The following STXBP5L variants were observed in gnomAD, a reference collection of about 807,000 sequenced individuals.
STXBP5L encodes syntaxin-binding protein 5-like.
A neutral mutation model predicts 144.5 loss-of-function variants in STXBP5L; 65 were observed. That is an observed-to-expected ratio of 0.45 (90% CI 0.37 to 0.55). The LOEUF is 0.55. STXBP5L is among the 20% of genes least tolerant of loss of function. The pLI, the probability that STXBP5L is intolerant of heterozygous loss-of-function variation, is 0.00. For missense variants in STXBP5L, 1,298 were observed against 1,405.5 expected, an observed-to-expected ratio of 0.92 and a Z score of 1.22; for synonymous variants, 505 against 469.6, an observed-to-expected ratio of 1.08 and a Z score of -0.97.
At chr3:121,411,472 C>A (rs2108748527) in intron 23 of STXBP5L, among the ~76,000 whole-genome samples, 1 of 152,116 alleles carries the variant, frequency 6.6e-6, no homozygotes, top group East Asian at 1.9e-4. Context: ...CATTAAAGGA[C>A]TGATTAAAAG....
At position 121,365,705 on chromosome 3, in the gene STXBP5L, A is replaced by C. The variant is rs913697626; in HGVS notation, c.2177-13011A>C. Among the ~76,000 whole-genome samples, 5 of 147,998 alleles carry C rather than the reference A, an allele frequency of 3.4e-5. No individual in the cohort carries two copies. In the South Asian group the frequency reaches 1.1e-3, roughly 33 times the overall value. ...AACTAAAGTTTTATCAATTTTGTTGATTTTCTGAAGACCCAACTTTTGATT... is the reference window on the plus strand; with the variant it reads ...AACTAAAGTTTTATCAATTTTGTTGCTTTTCTGAAGACCCAACTTTTGATT... On this transcript the variant is annotated intron_variant, in intron 20 of 26. Coordinates refer to ENST00000471454, the MANE Select transcript of STXBP5L (RefSeq NM_001308330.2).
chr3:121,333,260 C>G (rs1342642855), intron 20 of STXBP5L, among the ~76,000 whole-genome samples: 1 of 151,986 alleles, frequency 6.6e-6, no homozygotes, highest in African/African-American at 2.4e-5. Flanking sequence ...TGTAAGTGGT[C>G]TAAATGCTCT....
chr3:121,118,383 G>A (rs2044320398), intron 6 of STXBP5L, among the ~76,000 whole-genome samples: 1 of 151,636 alleles, frequency 6.6e-6, no homozygotes, highest in Admixed American at 6.6e-5. Flanking sequence ...TCCGGGCAGA[G>A]GGAACAGAAT....
In STXBP5L at chr3:121,421,902, T is replaced by A. The variant is rs899319495; in HGVS notation, c.*2805T>A. 2.6e-5 allele frequency: 4 copies of A among 152,218 alleles called. No individual in the cohort carries two copies. The highest frequency in any genetic ancestry group is 6.5e-5 in the Admixed American group (1 of 15,280). 9.4% of individuals were successfully genotyped at this position (152,218 alleles called of 1,614,324 possible). On this transcript the variant is annotated 3_prime_UTR_variant, in exon 27 of 27. Coordinates refer to ENST00000471454, the MANE Select transcript of STXBP5L (RefSeq NM_001308330.2). ...GTAGTTAAAACGTGTCTTTCAAAATTGCTTTTATAAGCCCTTCCTTAACGT... is the reference window on the plus strand; with the variant it reads ...GTAGTTAAAACGTGTCTTTCAAAATAGCTTTTATAAGCCCTTCCTTAACGT...
chr3:121,193,408 G>T (rs745537562), intron 9 of STXBP5L, among the ~76,000 whole-genome samples: 2 of 145,098 alleles, frequency 1.4e-5, no homozygotes, highest in Non-Finnish European at 3.0e-5. Context: ...GTGGAAGACA[G>T]TGTGGTGATT....
At chr3:121,266,523 T>G (rs1032330619) in intron 18 of STXBP5L, among the ~76,000 whole-genome samples, 2 of 152,182 alleles carry the variant, frequency 1.3e-5, no homozygotes, top group African/African-American at 4.8e-5. Flanking sequence ...AATATCATAC[T>G]CAATAGGCAC....
At chr3:121,021,642 T>C (rs1210541195) in intron 3 of STXBP5L, among the ~76,000 whole-genome samples, 1 of 152,090 alleles carries the variant, frequency 6.6e-6, no homozygotes, top group Admixed American at 6.5e-5. Flanking sequence ...TAATGGAAAT[T>C]AAATAACCTA....
intron 5 of STXBP5L, among the ~76,000 whole-genome samples, chr3:121,091,009 ATGAG>A (rs1404888206): frequency 7.0e-6 from 1 of 142,158 alleles, no homozygotes; most frequent in Non-Finnish European, 1.5e-5. Flanking sequence ...ATTCCCACCT[ATGAG>A]TGAGAATATG....
chr3:121,157,366 A>T, intron 8 of STXBP5L, 138 bp from the exon 9 acceptor site: 1 of 876,094 alleles, frequency 1.1e-6, no homozygotes, highest in Non-Finnish European at 1.6e-6. Flanking sequence ...ATAGTCTGAT[A>T]TGGGTCAGAA....
intron 3 of STXBP5L, among the ~76,000 whole-genome samples, chr3:120,965,022 G>A (rs1006303493): frequency 1.3e-5 from 2 of 152,128 alleles, no homozygotes; most frequent in East Asian, 1.9e-4. Flanking sequence ...TTACCATTAT[G>A]TAATGGCCTT....
At chr3:121,164,873 G>A (rs569636829) in intron 9 of STXBP5L, among the ~76,000 whole-genome samples, 2 of 152,108 alleles carry the variant, frequency 1.3e-5, no homozygotes, top group South Asian at 4.1e-4. Flanking sequence ...GTGGTTACCA[G>A]GGGCAGGAGA....
chr3:121,131,903 C>G (rs2045007750), intron 7 of STXBP5L, among the ~76,000 whole-genome samples: 1 of 152,094 alleles, frequency 6.6e-6, no homozygotes, highest in African/African-American at 2.4e-5. Flanking sequence ...AACATGAAAC[C>G]AGATTCATTA....
chr3:121,368,215 A>G (rs1281144147), intron 20 of STXBP5L, among the ~76,000 whole-genome samples: 1 of 151,774 alleles, frequency 6.6e-6, no homozygotes, highest in African/African-American at 2.4e-5. Context: ...TCACTTTTTA[A>G]TCTACAAGTT....
At position 121,317,698 on chromosome 3, in the gene STXBP5L, G is replaced by T. The variant is rs1477209371; in HGVS notation, c.2111-777G>T. On this transcript the variant is annotated intron_variant, in intron 19 of 26. Coordinates refer to ENST00000471454, the MANE Select transcript of STXBP5L (RefSeq NM_001308330.2). ...ATTTTACAAATACCATATAAATACA[G>T]ATTGGCAAGTAGAAAGAATTATAAA... 2.6e-5 allele frequency among the ~76,000 whole-genome samples: 4 copies of T among 152,068 alleles called. No individual in the cohort carries two copies. In the East Asian group the frequency reaches 7.7e-4, roughly 29 times the overall value.
At chr3:120,969,508 G>A (rs1312066897) in intron 3 of STXBP5L, among the ~76,000 whole-genome samples, 1 of 149,836 alleles carries the variant, frequency 6.7e-6, no homozygotes. Flanking sequence ...TGGGTTGTCT[G>A]TTTGCTGATT....
At chr3:121,262,447 T>A (rs941424747) in intron 18 of STXBP5L, among the ~76,000 whole-genome samples, 1 of 152,142 alleles carries the variant, frequency 6.6e-6, no homozygotes, top group East Asian at 1.9e-4. Flanking sequence ...CTGGCAAACA[T>A]GGTGAAACCC....
At chr3:121,183,560 A>G (rs1220011354) in intron 9 of STXBP5L, among the ~76,000 whole-genome samples, 2 of 151,862 alleles carry the variant, frequency 1.3e-5, no homozygotes, top group South Asian at 2.1e-4. Context: ...AGCAAGCAAG[A>G]CAAAGAGAGA....
At chr3:120,970,800 G>GT (rs142379310) in intron 3 of STXBP5L, among the ~76,000 whole-genome samples, 15 of 152,018 alleles carry the variant, frequency 9.9e-5, no homozygotes, top group African/African-American at 3.4e-4. Flanking sequence ...CTGGCCTGCT[G>GT]TTTTTTTCCA....
chr3:121,177,338 A>G (rs1441684490), intron 9 of STXBP5L, among the ~76,000 whole-genome samples: 1 of 152,156 alleles, frequency 6.6e-6, no homozygotes, highest in East Asian at 1.9e-4. Flanking sequence ...GAGTGGGGAA[A>G]AATATTTCTA....
Sources: allele counts gnomAD v4.1 joint callset (sites outside exome capture counted in the v4.1 genomes callset), GRCh38; gene constraint gnomAD v4.1.1; transcripts MANE v1.5; gene names NCBI Gene and HGNC (gene_info 2026-07-23, HGNC 2026-07-21).